ARMC8: variants seen among roughly 807,000 people sequenced by gnomAD.
ARMC8 encodes armadillo repeat containing 8, also known as armadillo repeat-containing protein 8.
In ARMC8, 20 loss-of-function variants were observed where a neutral mutation model predicts 99.3. The observed-to-expected ratio is 0.20, with a 90% CI of 0.14 to 0.29. The LOEUF is 0.29. Ranked by LOEUF, ARMC8 falls within the 10% of genes least tolerant of loss-of-function variation. The pLI is 1.00. For synonymous variants in ARMC8, 263 were observed against 278.3 expected (o/e 0.95, Z 0.55); for missense variants, 569 against 809.5 (o/e 0.70, Z 3.60).
At chr3:138,192,157 C>A (rs2043421866) in intron 1 of ARMC8, among the ~76,000 whole-genome samples, 1 of 151,704 alleles carries the variant, frequency 6.6e-6, no homozygotes, top group Admixed American at 6.6e-5. Flanking sequence ...CCATTTGATA[C>A]TGTTATTATT....
chr3:138,290,373 G>C (rs2050820833), intron 20 of ARMC8, among the ~76,000 whole-genome samples, 173 bp from the exon 21 acceptor site: 1 of 152,200 alleles, frequency 6.6e-6, no homozygotes, highest in South Asian at 2.1e-4. Context: ...TTAGAAGACT[G>C]TCAGAGAGTC....
chr3:138,225,377 G>A (rs1015268559), intron 5 of ARMC8, among the ~76,000 whole-genome samples: 1 of 152,162 alleles, frequency 6.6e-6, no homozygotes, highest in Non-Finnish European at 1.5e-5. Flanking sequence ...CCAAAGTGCT[G>A]GGATTACAGG....
At chr3:138,258,381 G>A (rs1393669950) in intron 12 of ARMC8, among the ~76,000 whole-genome samples, 6 of 152,216 alleles carry the variant, frequency 3.9e-5, no homozygotes, top group Admixed American at 3.9e-4. Flanking sequence ...CTGACTCTTA[G>A]TTCTTCATGT....
intron 10 of ARMC8, among the ~76,000 whole-genome samples, chr3:138,241,037 G>A (rs551540701): frequency 1.5e-4 from 23 of 152,220 alleles, no homozygotes; most frequent in South Asian, 6.2e-4. Flanking sequence ...GCGACAGAGC[G>A]AGACTCCGTC....
At chr3:138,259,191 T>A (rs138556677) in intron 12 of ARMC8, among the ~76,000 whole-genome samples, 1 of 152,302 alleles carries the variant, frequency 6.6e-6, no homozygotes, top group East Asian at 1.9e-4. Flanking sequence ...TTGCTCTTGG[T>A]TTTCCAATCC....
chr3:138,251,470 C>G (rs772072613), intron 12 of ARMC8, among the ~76,000 whole-genome samples: 15 of 152,188 alleles, frequency 9.9e-5, no homozygotes, highest in Admixed American at 2.0e-4. Flanking sequence ...CAGGACTTGG[C>G]TCTGCTACTG....
intron 6 of ARMC8, among the ~76,000 whole-genome samples, chr3:138,231,114 G>A (rs2046004188): frequency 6.6e-6 from 1 of 152,130 alleles, no homozygotes; most frequent in South Asian, 2.1e-4. Context: ...ACATAGCTAG[G>A]CTTCAAGAAA....
intron 1 of ARMC8, among the ~76,000 whole-genome samples, chr3:138,190,284 T>C: frequency 7.6e-6 from 1 of 131,128 alleles, no homozygotes; most frequent in African/African-American, 3.5e-5. Flanking sequence ...TTCTTATCTT[T>C]TTTTTTTTTT....
At chr3:138,259,968 C>CT (rs534774899) in intron 12 of ARMC8, among the ~76,000 whole-genome samples, 1 of 152,154 alleles carries the variant, frequency 6.6e-6, no homozygotes, top group Admixed American at 6.5e-5. Flanking sequence ...CCAAGGTGTT[C>CT]TTTCTACCAT....
intron 21 of ARMC8, among the ~76,000 whole-genome samples, 167 bp from the exon 22 acceptor site, chr3:138,295,692 C>T (rs116609942): frequency 0.01 from 1,572 of 152,314 alleles, 25 homozygotes; most frequent in African/African-American, 0.036. Flanking sequence ...AGGTGTCTAC[C>T]CACTGCAGAT....
chr3:138,227,795 C>G (rs2045771187), intron 5 of ARMC8, among the ~76,000 whole-genome samples: 1 of 152,206 alleles, frequency 6.6e-6, no homozygotes, highest in Non-Finnish European at 1.5e-5. Context: ...CTACCCCAAA[C>G]CTACAGTATC....
At chr3:138,289,246 C>T in intron 20 of ARMC8, 126 bp downstream of exon 20, 1 of 697,862 alleles carries the variant, frequency 1.4e-6, no homozygotes, top group East Asian at 2.8e-5. Context: ...CCCAAGCACC[C>T]TCTAGAGTTG....
At chr3:138,196,199 A>G (rs2043726992) in intron 1 of ARMC8, among the ~76,000 whole-genome samples, 2 of 152,198 alleles carry the variant, frequency 1.3e-5, no homozygotes, top group South Asian at 4.1e-4. Flanking sequence ...GATGATCATT[A>G]TGATAAAGCA....
chr3:138,280,859 C>T (rs1380692408), intron 18 of ARMC8, among the ~76,000 whole-genome samples: 1 of 151,850 alleles, frequency 6.6e-6, no homozygotes, highest in Non-Finnish European at 1.5e-5. Context: ...AACTCTTGAC[C>T]TCAAGGGATC....
At chr3:138,268,378 C>T (rs1414007422) in intron 15 of ARMC8, among the ~76,000 whole-genome samples, 1 of 152,192 alleles carries the variant, frequency 6.6e-6, no homozygotes, top group African/African-American at 2.4e-5. Context: ...CCAGAGCTTC[C>T]ATCAGTTCTC....
intron 12 of ARMC8, among the ~76,000 whole-genome samples, chr3:138,249,400 A>G (rs939069309): frequency 4.0e-5 from 6 of 151,764 alleles, no homozygotes; most frequent in East Asian, 3.9e-4. Flanking sequence ...TTGGCTATCA[A>G]TCAAAGAAAA....
At chr3:138,204,796 T>A (rs549752421) in intron 1 of ARMC8, among the ~76,000 whole-genome samples, 97 of 152,314 alleles carry the variant, frequency 6.4e-4, no homozygotes, top group Middle Eastern at 3.4e-3. Context: ...TCTTCCAGTC[T>A]TGCGGTATCC....
chr3:138,225,590 G>GTGTA (rs760925098), intron 5 of ARMC8, among the ~76,000 whole-genome samples: 1 of 152,142 alleles, frequency 6.6e-6, no homozygotes, highest in African/African-American at 2.4e-5. Context: ...GTGTATATAT[G>GTGTA]TGTATGTATG....
chr3:138,257,013 A>C (rs1051214481), intron 12 of ARMC8, among the ~76,000 whole-genome samples: 2 of 152,170 alleles, frequency 1.3e-5, no homozygotes, highest in African/African-American at 4.8e-5. Flanking sequence ...CCAGTGACTT[A>C]ATCTTTCTGA....
Sources: gnomAD v4.1 joint callset for allele counts (sites outside exome capture counted in the v4.1 genomes callset) on GRCh38, gnomAD v4.1.1 for gene constraint, MANE v1.5 for transcripts, NCBI Gene and HGNC (gene_info 2026-07-23, HGNC 2026-07-21) for gene names.